ZNF276: variants seen among roughly 807,000 people sequenced by gnomAD.
The protein encoded by ZNF276 is zinc finger protein 276, also known as centromere protein Z.
In ZNF276, 59 loss-of-function variants were observed where a neutral mutation model predicts 63.9. That is an observed-to-expected ratio of 0.92 (90% CI 0.75 to 1.15). The LOEUF (loss-of-function observed/expected upper bound fraction) is 1.15, where lower values mean the gene tolerates loss of function less well. ZNF276 is among the 50% of genes most tolerant of loss of function. ZNF276 has a pLI of 0.00. For missense variants in ZNF276, 1,084 were observed against 843.8 expected, an observed-to-expected ratio of 1.28 and a Z score of -3.53; for synonymous variants, 496 against 348.4, an observed-to-expected ratio of 1.42 and a Z score of -4.72.
chr16:89,734,334 AT>A (rs11359667), intron 9 of ZNF276, among the ~76,000 whole-genome samples: 146,598 of 151,858 alleles, frequency 0.97, 70,916 homozygotes, highest in East Asian at 1. Context: ...TTATTTTTTA[AT>A]TTTTTTTTGA....
At chr16:89,735,294 G>C (rs114126949) in intron 9 of ZNF276, among the ~76,000 whole-genome samples, 1 of 151,700 alleles carries the variant, frequency 6.6e-6, no homozygotes, top group Non-Finnish European at 1.5e-5. Context: ...AGGGGTGGGG[G>C]GGGGCCTGGA....
chr16:89,727,506 C>T (rs1287450793), intron 5 of ZNF276, 149 bp downstream of exon 5: 23 of 872,426 alleles, frequency 2.6e-5, no homozygotes, highest in South Asian at 1.2e-4. Flanking sequence ...GCTGCCCATG[C>T]GCTGGTACCA....
Position 89,739,534 on chromosome 16 carries a change from G to C in ZNF276, c.*1288G>C, listed in dbSNP as rs187297609. 21 of 1,551,352 alleles carry C rather than the reference G, an allele frequency of 1.4e-5. No individual in the cohort carries two copies. In the Admixed American group the frequency reaches 2.5e-4, roughly 19 times the overall value. On this transcript the variant is annotated 3_prime_UTR_variant, in exon 11 of 11. Transcript: ENST00000443381. ...GCTGATCCGGGGCCACACGGAGGAGGAGCCGCCCCAGCCTGAGGTCTGCAA... is the reference window on the plus strand; with the variant it reads ...GCTGATCCGGGGCCACACGGAGGAGCAGCCGCCCCAGCCTGAGGTCTGCAA...
At chr16:89,728,280 A>G (rs2061529621) in intron 5 of ZNF276, among the ~76,000 whole-genome samples, 1 of 146,570 alleles carries the variant, frequency 6.8e-6, no homozygotes, top group Admixed American at 7.0e-5. Flanking sequence ...GCTGGAGTGC[A>G]GTGGTGTGAC....
chr16:89,739,202 C>G lies in ZNF276; in HGVS notation c.*956C>G, dbSNP rs1041491550. The G allele has an allele frequency of 1.9e-6, 3 of 1,614,044 alleles. No homozygotes were observed. Among genetic ancestry groups the G allele is most frequent in the Non-Finnish European group, 2.5e-6 (3 of 1,180,050 alleles). On this transcript the variant is annotated 3_prime_UTR_variant, in exon 11 of 11. Coordinates refer to ENST00000443381, the MANE Select transcript of ZNF276 (RefSeq NM_001113525.2). ...TGCTTGTATCCCCAGCCACGAAGAG[C>G]TGGACCAGCTTCAAGTACATGTCCA... is the stretch of plus-strand genomic sequence containing the variant.
intron 4 of ZNF276, among the ~76,000 whole-genome samples, chr16:89,724,128 C>T (rs537505839): frequency 6.6e-6 from 1 of 152,346 alleles, no homozygotes; most frequent in South Asian, 2.1e-4. Flanking sequence ...CAGCCAGCCG[C>T]CTGGTGACAC....
At chr16:89,727,062 C>A (rs907402372) in intron 4 of ZNF276, among the ~76,000 whole-genome samples, 15 of 152,206 alleles carry the variant, frequency 9.9e-5, no homozygotes, top group African/African-American at 3.6e-4. Flanking sequence ...GGTTCTGATG[C>A]TTGTTGCTGC....
chr16:89,740,118 C>T lies in ZNF276; in HGVS notation c.*1872C>T. ...TGGTGCTCTGTAAACCGCAGGAGAC[C>T]AACCCTGAGAATGGCCGACCTGGTG... On this transcript the variant is annotated 3_prime_UTR_variant, in exon 11 of 11. Transcript: ENST00000443381. 1 of 1,607,936 alleles carries T rather than the reference C, an allele frequency of 6.2e-7. No individual in the cohort carries two copies. Among genetic ancestry groups the T allele is most frequent in the Non-Finnish European group, 8.5e-7 (1 of 1,174,686 alleles).
Position 89,733,025 on chromosome 16 carries a change from T to C in ZNF276, c.1170-277T>C, listed in dbSNP as rs79776353. 4.6e-4 allele frequency: 126 copies of C among 276,136 alleles called. 6 individuals carry two copies. The highest frequency in any genetic ancestry group is 3.9e-3 in the Middle Eastern group (3 of 776). The allele number at this position is 276,136 out of a possible 1,614,324, so 17.1% of individuals were successfully genotyped here. On this transcript the variant is annotated intron_variant, in intron 6 of 10. Transcript: ENST00000443381. ...CTGCGCCCTCGCCCTCTGCTGTGTTTGCCCTGACCCTGCTGTACCCTGCGC... is the reference window on the plus strand; with the variant it reads ...CTGCGCCCTCGCCCTCTGCTGTGTTCGCCCTGACCCTGCTGTACCCTGCGC...
At chr16:89,720,786 G>C, upstream of ZNF276, 2 of 1,459,010 alleles carry the variant, frequency 1.4e-6, no homozygotes, top group Non-Finnish European at 1.8e-6. Context: ...CCGGTGTCCA[G>C]CTCGATGGCC....
chr16:89,723,236 G>C (rs1282738926), intron 3 of ZNF276, 24 bp from the exon 4 acceptor site: 6 of 1,613,158 alleles, frequency 3.7e-6, no homozygotes, highest in South Asian at 1.1e-5. Context: ...CCGTGGATCT[G>C]ACATCTCTGT....
At chr16:89,722,488 G>A in intron 1 of ZNF276, 43 bp from the exon 2 acceptor site, 16 of 1,566,680 alleles carry the variant, frequency 1.0e-5, no homozygotes, top group Non-Finnish European at 1.4e-5. Context: ...GTGCTCAGGA[G>A]CCTCCTTTGC....
In ZNF276 at chr16:89,723,406, G is replaced by A. The variant is rs2061369052; in HGVS notation, c.703G>A (p.Asp235Asn). The A allele has an allele frequency of 6.2e-7, 1 of 1,612,908 alleles. No individual in the cohort carries two copies. Among genetic ancestry groups the A allele is most frequent in the Admixed American group, 1.7e-5 (1 of 60,010 alleles). Residue 235 changes from aspartate (D) to asparagine (N), a missense_variant, in exon 4 of 11, where the codon GAC becomes AAC. Transcript: ENST00000443381. ...CGVIQVVWGC[D>N]QGHDYTMDTS... The stretch of plus-strand genomic sequence containing the variant: ...CGTCATCCAGGTCGTGTGGGGCTGC[G>A]ACCAGGGCCACGACTACACCATGGA...
At position 89,738,370 on chromosome 16, in the gene ZNF276, G is replaced by A. The variant is rs190762834; in HGVS notation, c.*124G>A. 19 of 1,446,798 alleles carry A rather than the reference G, an allele frequency of 1.3e-5. No homozygotes were observed. The East Asian group carries it at 2.0e-4, about 15-fold the overall frequency. 89.6% of individuals were successfully genotyped at this position (1,446,798 alleles called of 1,614,324 possible). On this transcript the variant is annotated 3_prime_UTR_variant, in exon 11 of 11. Transcript: ENST00000443381. ...GCTGCCCGCCCTTGGTGCTGGAGGCGGGCTTGGTGTCCGGCTCAAGTAGCC... is the reference window on the plus strand; with the variant it reads ...GCTGCCCGCCCTTGGTGCTGGAGGCAGGCTTGGTGTCCGGCTCAAGTAGCC...
intron 5 of ZNF276, among the ~76,000 whole-genome samples, chr16:89,728,827 G>T (rs983859396): frequency 1.3e-5 from 2 of 152,228 alleles, no homozygotes; most frequent in African/African-American, 4.8e-5. Context: ...GTTAGCCTCT[G>T]CACCCAGCCA....
intron 6 of ZNF276, 47 bp from the exon 7 acceptor site, chr16:89,733,255 C>A (rs1277184937): frequency 3.9e-6 from 6 of 1,548,214 alleles, no homozygotes; most frequent in Middle Eastern, 1.7e-4. Flanking sequence ...AAACATTTTG[C>A]AAATGGAGAT....
At chr16:89,723,880 A>G (rs2061386949) in intron 4 of ZNF276, among the ~76,000 whole-genome samples, 171 bp downstream of exon 4, 1 of 152,222 alleles carries the variant, frequency 6.6e-6, no homozygotes, top group African/African-American at 2.4e-5. Context: ...TCCAGAGAGC[A>G]GGGAGGGGCG....
chr16:89,726,290 A>G (rs967978249), intron 4 of ZNF276, among the ~76,000 whole-genome samples: 5 of 149,344 alleles, frequency 3.3e-5, no homozygotes, highest in African/African-American at 9.9e-5. Flanking sequence ...TCTGCCTCCC[A>G]GGTTCAAGCG....
upstream of ZNF276, chr16:89,720,698 C>T (rs1375371286): frequency 2.3e-6 from 3 of 1,325,398 alleles, no homozygotes; most frequent in Non-Finnish European, 2.9e-6. Context: ...TCCTCGCCCT[C>T]CCCGGGCGGG....
Sources: allele counts gnomAD v4.1 joint callset (sites outside exome capture counted in the v4.1 genomes callset), GRCh38; gene constraint gnomAD v4.1.1; transcripts MANE v1.5; gene names NCBI Gene and HGNC (gene_info 2026-07-23, HGNC 2026-07-21).